The following ADGRB3 variants were observed in gnomAD, a reference collection of about 807,000 sequenced individuals.
The protein encoded by ADGRB3 is adhesion G protein-coupled receptor B3, also known as brain-specific angiogenesis inhibitor 3.
Under a neutral mutation model 193.4 loss-of-function variants are expected in ADGRB3, and 37 were observed. The ratio of observed to expected loss-of-function variants is 0.19; its 90% CI spans 0.15 to 0.25. ADGRB3 has a LOEUF of 0.25. ADGRB3 is among the 10% of genes least tolerant of loss of function. The pLI is 1.00. For missense variants in ADGRB3, 1,637 were observed against 1,852.9 expected (o/e 0.88, Z 2.14); for synonymous variants, 690 against 644.2 (o/e 1.07, Z -1.08).
intron 3 of ADGRB3, among the ~76,000 whole-genome samples, chr6:68,743,986 G>A (rs965542446): frequency 6.6e-6 from 1 of 151,868 alleles, no homozygotes; most frequent in East Asian, 1.9e-4. Context: ...CACAATATAT[G>A]TATATATGTA....
At chr6:69,322,578 T>G (rs1998298) in intron 20 of ADGRB3, among the ~76,000 whole-genome samples, 151,393 of 152,004 alleles carry the variant, frequency 1, 75,395 homozygotes, top group Middle Eastern at 1. Context: ...CACTCACTAT[T>G]GTTTTGATCT....
intron 31 of ADGRB3, among the ~76,000 whole-genome samples, chr6:69,383,254 C>A (rs1464669829): frequency 2.6e-5 from 4 of 151,862 alleles, no homozygotes; most frequent in African/African-American, 7.3e-5. Context: ...TCAAATATCC[C>A]TTTGGGTTAA....
At chr6:68,748,796 T>C (rs1326053962) in intron 3 of ADGRB3, among the ~76,000 whole-genome samples, 1 of 152,064 alleles carries the variant, frequency 6.6e-6, no homozygotes, top group Non-Finnish European at 1.5e-5. Context: ...CTAGCAGAGG[T>C]TCTCCATGAG....
intron 4 of ADGRB3, among the ~76,000 whole-genome samples, chr6:68,935,999 A>G (rs1382515153): frequency 2.6e-5 from 4 of 152,188 alleles, no homozygotes; most frequent in African/African-American, 9.7e-5. Context: ...CACTAGTAAT[A>G]AACTATAAAT....
chr6:69,190,551 T>C (rs1765165827), intron 17 of ADGRB3, among the ~76,000 whole-genome samples: 1 of 152,108 alleles, frequency 6.6e-6, no homozygotes, highest in South Asian at 2.1e-4. Flanking sequence ...ACAGTATGTG[T>C]GTATAACTAT....
chr6:68,830,595 T>C (rs1582236604), intron 3 of ADGRB3, among the ~76,000 whole-genome samples: 1 of 152,286 alleles, frequency 6.6e-6, no homozygotes, highest in East Asian at 1.9e-4. Context: ...CCAGAAATGA[T>C]ATATTTTAAA....
At position 68,956,004 on chromosome 6, in the gene ADGRB3, C is replaced by T; in HGVS notation, c.1196-20C>T. 1 of 1,609,370 alleles carries T rather than the reference C, an allele frequency of 6.2e-7. No individual in the cohort carries two copies. The highest frequency in any genetic ancestry group is 1.3e-5 in the African/African-American group (1 of 74,870). ...CTATTGGAAGATATCCTCATGCTGT[C>T]TCTTTTTCTGCTTTGGTAGTTGATG... On this transcript the variant is annotated intron_variant, in intron 6 of 31. Coordinates refer to ENST00000370598, the MANE Select transcript of ADGRB3 (RefSeq NM_001704.3).
At chr6:69,009,656 C>T (rs1562120341) in intron 11 of ADGRB3, among the ~76,000 whole-genome samples, 1 of 152,102 alleles carries the variant, frequency 6.6e-6, no homozygotes, top group African/African-American at 2.4e-5. Context: ...AATGGCTTAT[C>T]CCTGCTTCCT....
At position 69,030,966 on chromosome 6, in the gene ADGRB3, C is replaced by CTTTTCTT. The variant is rs1399904826; in HGVS notation, c.2107+12470_2107+12476dup. ...TTCTTTTCTTTTCTTTTTTTCTTTT[C>CTTTTCTT]TTTTCTTTTCTTTTCTTTTCTTTTC... On this transcript the variant is annotated intron_variant, in intron 13 of 31. Coordinates refer to ENST00000370598, the MANE Select transcript of ADGRB3 (RefSeq NM_001704.3). 1.6e-3 allele frequency among the ~76,000 whole-genome samples: 197 copies of CTTTTCTT among 123,702 alleles called. 33 individuals are homozygous for CTTTTCTT. Among genetic ancestry groups the CTTTTCTT allele is most frequent in the Middle Eastern group, 4.2e-3 (1 of 240 alleles). 81.2% of individuals were successfully genotyped at this position (123,702 alleles called of 152,430 possible).
intron 3 of ADGRB3, among the ~76,000 whole-genome samples, chr6:68,816,996 T>C (rs191563510): frequency 2.1e-3 from 321 of 152,030 alleles, no homozygotes; most frequent in Non-Finnish European, 3.4e-3. Context: ...ACCCCCAGGT[T>C]TAATCTTCAC....
chr6:69,125,694 C>T (rs1322869172), intron 17 of ADGRB3, among the ~76,000 whole-genome samples: 1 of 152,184 alleles, frequency 6.6e-6, no homozygotes. Context: ...CCCAAACAGG[C>T]AAAGCCAATG....
chr6:68,731,001 T>C (rs1204283565), intron 3 of ADGRB3, among the ~76,000 whole-genome samples: 1 of 151,508 alleles, frequency 6.6e-6, no homozygotes, highest in Non-Finnish European at 1.5e-5. Flanking sequence ...AGAAAGCTTA[T>C]TTGGGGAGAA....
intron 3 of ADGRB3, among the ~76,000 whole-genome samples, chr6:68,784,410 A>G (rs1404580317): frequency 6.6e-6 from 1 of 152,170 alleles, no homozygotes; most frequent in Non-Finnish European, 1.5e-5. Context: ...TTTTGTCACA[A>G]TTATGTGATA....
chr6:69,271,909 T>C (rs1272419395), intron 20 of ADGRB3, among the ~76,000 whole-genome samples: 2 of 152,252 alleles, frequency 1.3e-5, no homozygotes, highest in African/African-American at 4.8e-5. Context: ...TACGAATTTT[T>C]CCTTGCTTAT....
intron 23 of ADGRB3, chr6:69,331,612 G>A (rs1320855466): frequency 3.0e-6 from 3 of 985,210 alleles, no homozygotes; most frequent in Admixed American, 1.2e-4. Flanking sequence ...ATCAAGGCAA[G>A]AATCTTAGTG....
At chr6:68,777,382 GA>G (rs1766767750) in intron 3 of ADGRB3, among the ~76,000 whole-genome samples, 1 of 151,976 alleles carries the variant, frequency 6.6e-6, no homozygotes, top group Admixed American at 6.6e-5. Context: ...TAGGAATGTA[GA>G]AATATATTTT....
At chr6:69,162,056 T>C (rs1775005433) in intron 17 of ADGRB3, among the ~76,000 whole-genome samples, 1 of 152,062 alleles carries the variant, frequency 6.6e-6, no homozygotes, top group Admixed American at 6.6e-5. Context: ...CGATAAGATG[T>C]GAATACCAGG....
At chr6:69,189,878 A>G (rs1765150837) in intron 17 of ADGRB3, among the ~76,000 whole-genome samples, 1 of 152,150 alleles carries the variant, frequency 6.6e-6, no homozygotes. Context: ...TCAATGATGG[A>G]CTACATATAC....
At chr6:69,356,366 T>C (rs954682605) in intron 28 of ADGRB3, among the ~76,000 whole-genome samples, 2 of 152,132 alleles carry the variant, frequency 1.3e-5, no homozygotes, top group Non-Finnish European at 2.9e-5. Flanking sequence ...ACTGGGGTTA[T>C]TGAGAAATCA....
Sources: allele counts gnomAD v4.1 joint callset (sites outside exome capture counted in the v4.1 genomes callset), GRCh38; gene constraint gnomAD v4.1.1; transcripts MANE v1.5; gene names NCBI Gene and HGNC (gene_info 2026-07-23, HGNC 2026-07-21).